RBP7: variants seen among roughly 807,000 people sequenced by gnomAD.
RBP7 encodes retinol binding protein 7, also known as retinoid-binding protein 7.
In RBP7, 13 loss-of-function variants were observed where a neutral mutation model predicts 16.7. That is an observed-to-expected ratio of 0.78 (90% CI 0.51 to 1.24). The LOEUF (loss-of-function observed/expected upper bound fraction) is 1.24, where lower values mean the gene tolerates loss of function less well. Among genes scored for constraint, RBP7 ranks in the 50% most tolerant of loss-of-function variants. The probability of loss-of-function intolerance (pLI) is 0.00; values close to 1 mark genes in which losing one functional copy is unlikely to be tolerated. For missense variants in RBP7, 145 were observed against 159.5 expected, an observed-to-expected ratio of 0.91 and a Z score of 0.49; for synonymous variants, 54 against 56.2, an observed-to-expected ratio of 0.96 and a Z score of 0.17.
At chr1:10,008,462 G>A (rs1021083587) in intron 3 of RBP7, among the ~76,000 whole-genome samples, 188 bp downstream of exon 3, 3 of 137,228 alleles carry the variant, frequency 2.2e-5, no homozygotes, top group African/African-American at 8.7e-5. Flanking sequence ...TTTTTTTTGA[G>A]ATGGAGTATC....
intron 1 of RBP7, among the ~76,000 whole-genome samples, chr1:10,000,035 C>T (rs1306905311): frequency 6.6e-6 from 1 of 151,858 alleles, no homozygotes; most frequent in Non-Finnish European, 1.5e-5. Flanking sequence ...CAAGACCAGC[C>T]TGGCCAACAT....
At chr1:10,012,626 TAA>T (rs144903026) in intron 3 of RBP7, among the ~76,000 whole-genome samples, 41 of 137,718 alleles carry the variant, frequency 3.0e-4, no homozygotes, top group East Asian at 4.2e-4. Flanking sequence ...AGCCTGTCTT[TAA>T]AAAAAAAAAA....
rs141204277 is a variant in RBP7 at position 10,005,965 on chromosome 1, C to T, written c.74-1605C>T. Reference sequence around the variant, plus strand: ...GAGTTCCCGAAACACACTGGCACACCCTTCCTCAGAGTCCCAGGGCTCCCT... The same window carrying T: ...GAGTTCCCGAAACACACTGGCACACTCTTCCTCAGAGTCCCAGGGCTCCCT... On this transcript the variant is annotated intron_variant, in intron 1 of 3. Coordinates refer to ENST00000294435, the MANE Select transcript of RBP7 (RefSeq NM_052960.3). 3.0e-4 allele frequency among the ~76,000 whole-genome samples: 46 copies of T among 152,262 alleles called. No homozygotes were observed. The East Asian group carries it at 8.9e-3, about 29-fold the overall frequency.
In RBP7 at chr1:9,997,419, G is replaced by A. The variant is rs1642193885; in HGVS notation, c.73+88G>A. ...GCGGCCGGGCCGGGCCTGTAGGTAC[G>A]TCCTCTGTCCGTGCCTCCGCCCTGC... On this transcript the variant is annotated intron_variant, in intron 1 of 3. Coordinates refer to ENST00000294435, the MANE Select transcript of RBP7 (RefSeq NM_052960.3). The surrounding 1 kb of genome is among the most constrained non-coding windows in gnomAD (Gnocchi z 5.9). 12 of 1,299,176 alleles carry A rather than the reference G, an allele frequency of 9.2e-6. No individual in the cohort carries two copies. The highest frequency in any genetic ancestry group is 1.3e-5 in the Non-Finnish European group (12 of 910,614). 80.5% of individuals were successfully genotyped at this position (1,299,176 alleles called of 1,614,324 possible).
intron 1 of RBP7, among the ~76,000 whole-genome samples, chr1:10,000,722 A>G (rs1313387691): frequency 6.6e-6 from 1 of 152,044 alleles, no homozygotes; most frequent in Non-Finnish European, 1.5e-5. Flanking sequence ...GGAAAATAAT[A>G]AATGATCGCC....
At chr1:10,008,322 A>C (rs1158267775) in intron 3 of RBP7, 48 bp downstream of exon 3, 1 of 1,287,350 alleles carries the variant, frequency 7.8e-7, no homozygotes, top group African/African-American at 1.5e-5. Flanking sequence ...TATTAAAGGA[A>C]ACATCAGGCC....
chr1:10,012,504 C>T (rs949194164), intron 3 of RBP7, among the ~76,000 whole-genome samples: 1 of 151,898 alleles, frequency 6.6e-6, no homozygotes, highest in Non-Finnish European at 1.5e-5. Context: ...TCAAATTATG[C>T]ACAACAGCTG....
intron 1 of RBP7, among the ~76,000 whole-genome samples, chr1:10,005,632 C>T (rs942311798): frequency 6.6e-6 from 1 of 151,442 alleles, no homozygotes; most frequent in Non-Finnish European, 1.5e-5. Flanking sequence ...CGCACGATCT[C>T]GGCTCACTGC....
chr1:10,010,583 ATTTT>A (rs144226167), intron 3 of RBP7, among the ~76,000 whole-genome samples: 2 of 132,418 alleles, frequency 1.5e-5, no homozygotes, highest in Admixed American at 7.7e-5. Context: ...TGCCCAGCTA[ATTTT>A]TTTTTTTTTT....
chr1:10,006,317 G>T (rs1642438882), intron 1 of RBP7, among the ~76,000 whole-genome samples: 1 of 151,954 alleles, frequency 6.6e-6, no homozygotes, highest in African/African-American at 2.4e-5. Context: ...GACCAACCTG[G>T]GCAACATAGT....
At chr1:10,001,842 T>TTTATTTAC (rs1642286705) in intron 1 of RBP7, among the ~76,000 whole-genome samples, 1 of 151,562 alleles carries the variant, frequency 6.6e-6, no homozygotes, top group African/African-American at 2.4e-5. Flanking sequence ...TATTTATTTA[T>TTTATTTAC]TTTTGAGACA....
chr1:10,007,352 T>C (rs1017873246), intron 1 of RBP7, among the ~76,000 whole-genome samples: 1 of 152,086 alleles, frequency 6.6e-6, no homozygotes, highest in Non-Finnish European at 1.5e-5. Context: ...CCCAAAGTGC[T>C]GGAATTACTG....
intron 3 of RBP7, among the ~76,000 whole-genome samples, chr1:10,010,735 C>A (rs1045444529): frequency 6.6e-6 from 1 of 152,054 alleles, no homozygotes; most frequent in African/African-American, 2.4e-5. Context: ...CAGGCATGCA[C>A]CACCACGCCT....
chr1:10,004,510 G>A (rs867009506), intron 1 of RBP7, among the ~76,000 whole-genome samples: 6 of 151,494 alleles, frequency 4.0e-5, no homozygotes, highest in Middle Eastern at 3.4e-3. Flanking sequence ...GGAGTAGCTG[G>A]GATTACAGGC....
intron 3 of RBP7, among the ~76,000 whole-genome samples, chr1:10,009,968 T>C (rs1359482232): frequency 6.6e-6 from 1 of 152,208 alleles, no homozygotes; most frequent in East Asian, 1.9e-4. Flanking sequence ...TACCAAAAAA[T>C]GCACCTGTTT....
In RBP7 at chr1:9,997,800, C is replaced by G. The variant is rs1309794533; in HGVS notation, c.73+469C>G. Reference sequence around the variant, plus strand: ...CCGCAGCCGCCTTCCGTGCAGGCCCCGGGGCCCCGGGCGCGCTCCCGCAGC... The same window carrying G: ...CCGCAGCCGCCTTCCGTGCAGGCCCGGGGGCCCCGGGCGCGCTCCCGCAGC... On this transcript the variant is annotated intron_variant, in intron 1 of 3. Coordinates refer to ENST00000294435, the MANE Select transcript of RBP7 (RefSeq NM_052960.3). This position sits in a 1 kb window ranked among gnomAD's most constrained non-coding sequence, Gnocchi z 5.9. 6.6e-6 allele frequency among the ~76,000 whole-genome samples: 1 copy of G among 151,980 alleles called. No homozygotes were observed. The highest frequency in any genetic ancestry group is 2.4e-5 in the African/African-American group (1 of 41,432).
chr1:9,997,366 T>C lies in RBP7; in HGVS notation c.73+35T>C, dbSNP rs774633264. ...AGGGGAGGCGGCGGCGGCGCGAGGC[T>C]CGCCGTGGGTCTCGGGATCAGGCGA... On this transcript the variant is annotated intron_variant, in intron 1 of 3. Coordinates refer to ENST00000294435, the MANE Select transcript of RBP7 (RefSeq NM_052960.3). The surrounding 1 kb of genome is among the most constrained non-coding windows in gnomAD (Gnocchi z 5.9). 1 of 1,597,028 alleles carries C rather than the reference T, an allele frequency of 6.3e-7. No homozygotes were observed. The highest frequency in any genetic ancestry group is 8.6e-7 in the Non-Finnish European group (1 of 1,168,610).
intron 3 of RBP7, among the ~76,000 whole-genome samples, chr1:10,014,832 T>C (rs560019580): frequency 6.6e-6 from 1 of 152,138 alleles, no homozygotes; most frequent in African/African-American, 2.4e-5. Flanking sequence ...GTCAGAAATA[T>C]GGGAGGTCCC....
chr1:10,004,872 A>G (rs1642394467), intron 1 of RBP7, among the ~76,000 whole-genome samples: 2 of 152,160 alleles, frequency 1.3e-5, no homozygotes, highest in South Asian at 2.1e-4. Flanking sequence ...ACATGCCTGT[A>G]GCCCCAGCTA....
Sources: allele counts gnomAD v4.1 joint callset (sites outside exome capture counted in the v4.1 genomes callset), GRCh38; gene constraint gnomAD v4.1.1; non-coding constraint Gnocchi (gnomAD v3.1); transcripts MANE v1.5; gene names NCBI Gene and HGNC (gene_info 2026-07-23, HGNC 2026-07-21).